SOCS2: variants seen among roughly 807,000 people sequenced by gnomAD.
SOCS2 encodes the protein CIS-2.
SOCS2 carries 10 observed loss-of-function variants against 18.6 expected under a neutral mutation model. The ratio of observed to expected loss-of-function variants is 0.54; its 90% CI spans 0.33 to 0.91. SOCS2 has a LOEUF of 0.91. Ranked by LOEUF, SOCS2 falls within the 40% of genes least tolerant of loss-of-function variation. The pLI is 0.02. For missense variants in SOCS2, 231 were observed against 247.2 expected, an observed-to-expected ratio of 0.93 and a Z score of 0.44; for synonymous variants, 104 against 104.0, an observed-to-expected ratio of 1.00 and a Z score of 0.00.
At chr12:93,587,821 A>C (rs1954594027), downstream of SOCS2, among the ~76,000 whole-genome samples, 1 of 152,208 alleles carries the variant, frequency 6.6e-6, no homozygotes, top group African/African-American at 2.4e-5. Context: ...CAAATGCAAA[A>C]GAGGAAACCA....
At chr12:93,604,242 A>G in the SOCS2 span, among the ~76,000 whole-genome samples, 1 of 152,218 alleles carries the variant, frequency 6.6e-6, no homozygotes, top group Admixed American at 6.5e-5. Flanking sequence ...CTCACTGTTA[A>G]TCCTCTGATG....
At chr12:93,577,350 G>A (rs1954480753), downstream of SOCS2, among the ~76,000 whole-genome samples, 4 of 152,054 alleles carry the variant, frequency 2.6e-5, no homozygotes, top group Admixed American at 6.6e-5. Flanking sequence ...GTTTTTTTAC[G>A]ATGACTGACA....
At chr12:93,619,904 A>G in the SOCS2 span, among the ~76,000 whole-genome samples, 2 of 152,286 alleles carry the variant, frequency 1.3e-5, no homozygotes, top group African/African-American at 4.8e-5. Context: ...AGCCAAAGGT[A>G]ATCTTTCTCT....
At chr12:93,622,442 A>T in the SOCS2 span, among the ~76,000 whole-genome samples, 3 of 152,204 alleles carry the variant, frequency 2.0e-5, no homozygotes, top group African/African-American at 7.2e-5. Context: ...CATCATTGGC[A>T]TGTCAGCTAT....
At chr12:93,596,276 T>C in the SOCS2 span, among the ~76,000 whole-genome samples, 1 of 152,340 alleles carries the variant, frequency 6.6e-6, no homozygotes, top group East Asian at 1.9e-4. Flanking sequence ...AACCACATAG[T>C]CTGTTTACAT....
chr12:93,570,545 G>A (rs1190994350), upstream of SOCS2: 2 of 152,716 alleles, frequency 1.3e-5, no homozygotes, highest in African/African-American at 4.8e-5. Context: ...CCGCAAAAGT[G>A]CGGCCAGGAG....
the SOCS2 span, among the ~76,000 whole-genome samples, chr12:93,597,192 C>T: frequency 3.9e-5 from 6 of 152,126 alleles, no homozygotes; most frequent in Non-Finnish European, 7.3e-5. Context: ...TGTAGATTGG[C>T]GTAACCACCA....
chr12:93,588,170 G>A (rs551621984), downstream of SOCS2, among the ~76,000 whole-genome samples: 33 of 152,230 alleles, frequency 2.2e-4, no homozygotes, highest in Admixed American at 1.9e-3. Context: ...TCTAGGCAAC[G>A]GATCACAGTA....
chr12:93,618,659 C>T, the SOCS2 span, among the ~76,000 whole-genome samples: 1 of 152,252 alleles, frequency 6.6e-6, no homozygotes, highest in Non-Finnish European at 1.5e-5. Flanking sequence ...TGCTGGCTCC[C>T]TCTGATTCCT....
At chr12:93,599,869 G>A in the SOCS2 span, among the ~76,000 whole-genome samples, 1 of 152,132 alleles carries the variant, frequency 6.6e-6, no homozygotes, top group Non-Finnish European at 1.5e-5. Context: ...AGATTTCCCA[G>A]CCCATAGAAG....
chr12:93,599,344 T>G, the SOCS2 span, among the ~76,000 whole-genome samples: 2 of 152,176 alleles, frequency 1.3e-5, no homozygotes, highest in East Asian at 3.9e-4. Context: ...TTTTTATTTG[T>G]ATAGATGGGG....
the SOCS2 span, among the ~76,000 whole-genome samples, chr12:93,595,331 C>A: frequency 2.6e-5 from 4 of 152,200 alleles, no homozygotes; most frequent in Non-Finnish European, 5.9e-5. Context: ...CTTTTAGATA[C>A]CTGACTTACG....
the SOCS2 span, among the ~76,000 whole-genome samples, chr12:93,624,076 G>A: frequency 0.06 from 9,066 of 152,234 alleles, 547 homozygotes; most frequent in African/African-American, 0.15. Context: ...AGTCATGAGA[G>A]TGAAAGCCTC....
the SOCS2 span, among the ~76,000 whole-genome samples, chr12:93,612,964 T>C: frequency 6.6e-6 from 1 of 152,150 alleles, no homozygotes; most frequent in South Asian, 2.1e-4. Flanking sequence ...TAGCAATAGC[T>C]CTTAGCTGTA....
downstream of SOCS2, among the ~76,000 whole-genome samples, chr12:93,578,829 T>C (rs974113641): frequency 3.3e-5 from 5 of 152,170 alleles, no homozygotes; most frequent in African/African-American, 1.2e-4. Flanking sequence ...TTGCCGAGAC[T>C]CTTCTTTGCT....
chr12:93,617,283 C>T, the SOCS2 span, among the ~76,000 whole-genome samples: 1 of 152,108 alleles, frequency 6.6e-6, no homozygotes, highest in Non-Finnish European at 1.5e-5. Context: ...CTCCTGATTT[C>T]CCCCTCTTCT....
downstream of SOCS2, among the ~76,000 whole-genome samples, chr12:93,585,335 C>T (rs1346206859): frequency 6.6e-6 from 1 of 152,144 alleles, no homozygotes; most frequent in African/African-American, 2.4e-5. Context: ...GCAGCACCTC[C>T]TCAAACAGCT....
chr12:93,610,313 C>T, the SOCS2 span, among the ~76,000 whole-genome samples: 74 of 152,280 alleles, frequency 4.9e-4, no homozygotes, highest in African/African-American at 1.8e-3. Flanking sequence ...ACCCCTCAGT[C>T]CCGGGCTAAC....
the SOCS2 span, among the ~76,000 whole-genome samples, chr12:93,600,180 A>G: frequency 6.6e-6 from 1 of 152,238 alleles, no homozygotes; most frequent in Non-Finnish European, 1.5e-5. Context: ...GATTTAAAAA[A>G]AATTATTTTT....
Sources: gnomAD v4.1 joint callset for allele counts (sites outside exome capture counted in the v4.1 genomes callset) on GRCh38, gnomAD v4.1.1 for gene constraint, MANE v1.5 for transcripts, NCBI Gene and HGNC (gene_info 2026-07-23, HGNC 2026-07-21) for gene names.